Variants in SPIDR observed in about 807,000 individuals in gnomAD.
SPIDR encodes the protein scaffold protein involved in DNA repair.
A neutral mutation model predicts 104.6 loss-of-function variants in SPIDR; 93 were observed. That is an observed-to-expected ratio of 0.89 (90% confidence interval 0.75 to 1.06). SPIDR has a LOEUF of 1.06. Ranked by LOEUF, SPIDR falls within the 50% of genes least tolerant of loss-of-function variation. SPIDR has a pLI of 0.00. For synonymous variants in SPIDR, 431 were observed against 416.9 expected (o/e 1.03, Z -0.41); for missense variants, 1,154 against 1,111.2 (o/e 1.04, Z -0.55).
intron 8 of SPIDR, among the ~76,000 whole-genome samples, chr8:47,471,444 C>CTTTA (rs2075694715): frequency 6.6e-6 from 1 of 151,764 alleles, no homozygotes; most frequent in East Asian, 1.9e-4. Context: ...CATCATTAGT[C>CTTTA]TTTAGGGTAA....
At position 47,686,478 on chromosome 8, in the gene SPIDR, G is replaced by A. The variant is rs569822561; in HGVS notation, c.1685+12537G>A. Among the ~76,000 whole-genome samples the A allele has an allele frequency of 5.3e-5, 8 of 152,298 alleles. No individual in the cohort carries two copies. The South Asian group carries it at 1.7e-3, about 32-fold the overall frequency. ...TAATACGGGATGCTGAAAGTGGAAA[G>A]AAAAGAAAGCTTGAGTGTCACTAGA... On this transcript the variant is annotated intron_variant, in intron 11 of 19. Transcript: ENST00000297423.
chr8:47,395,675 CT>C (rs1403827962), intron 5 of SPIDR, among the ~76,000 whole-genome samples: 2 of 151,428 alleles, frequency 1.3e-5, no homozygotes, highest in Admixed American at 6.6e-5. Context: ...AATTTTTTTT[CT>C]TTTTTATTGG....
chr8:47,496,950 T>C (rs1347088953), intron 8 of SPIDR, among the ~76,000 whole-genome samples: 17 of 152,100 alleles, frequency 1.1e-4, no homozygotes. Context: ...TCTAGAAGTT[T>C]GTCCATTTTA....
At chr8:47,555,662 T>G (rs1406307150) in intron 8 of SPIDR, among the ~76,000 whole-genome samples, 2 of 152,190 alleles carry the variant, frequency 1.3e-5, no homozygotes, top group Non-Finnish European at 2.9e-5. Flanking sequence ...TGTGTATTCT[T>G]TGCACTGTAT....
At chr8:47,414,360 AT>A (rs538147774) in intron 7 of SPIDR, among the ~76,000 whole-genome samples, 1 of 152,004 alleles carries the variant, frequency 6.6e-6, no homozygotes, top group Non-Finnish European at 1.5e-5. Flanking sequence ...GAAAAAGGTG[AT>A]TTTTTTTGTT....
At chr8:47,722,057 C>G (rs912392596) in intron 16 of SPIDR, among the ~76,000 whole-genome samples, 2 of 152,158 alleles carry the variant, frequency 1.3e-5, no homozygotes, top group Non-Finnish European at 2.9e-5. Context: ...TGATATCTTT[C>G]AGAAGAGTTT....
intron 8 of SPIDR, among the ~76,000 whole-genome samples, chr8:47,506,911 A>G (rs2081572252): frequency 6.6e-6 from 1 of 152,188 alleles, no homozygotes; most frequent in Non-Finnish European, 1.5e-5. Flanking sequence ...GTGTTGGGAA[A>G]TAGCTGAGCT....
At chr8:47,503,849 G>A (rs1304656849) in intron 8 of SPIDR, among the ~76,000 whole-genome samples, 3 of 152,116 alleles carry the variant, frequency 2.0e-5, no homozygotes, top group East Asian at 3.8e-4. Flanking sequence ...AAATCTCTCA[G>A]CATTTGTTTG....
At chr8:47,484,355 T>A (rs190999903) in intron 8 of SPIDR, among the ~76,000 whole-genome samples, 8 of 152,380 alleles carry the variant, frequency 5.3e-5, no homozygotes, top group Admixed American at 5.2e-4. Flanking sequence ...GCTGTGAATT[T>A]GTTGGTAAAG....
At chr8:47,713,893 C>T (rs190298393) in intron 16 of SPIDR, among the ~76,000 whole-genome samples, 8 of 152,230 alleles carry the variant, frequency 5.3e-5, no homozygotes, top group Admixed American at 3.3e-4. Flanking sequence ...CCTGGGCCCA[C>T]GTCTTAGTGG....
chr8:47,319,343 A>G (rs2046051858), intron 5 of SPIDR, among the ~76,000 whole-genome samples: 1 of 152,212 alleles, frequency 6.6e-6, no homozygotes, highest in African/African-American at 2.4e-5. Flanking sequence ...CAAAAGAGAC[A>G]AAGCAGGCCA....
intron 17 of SPIDR, among the ~76,000 whole-genome samples, chr8:47,727,545 T>C (rs1267763562): frequency 3.3e-5 from 5 of 152,092 alleles, no homozygotes; most frequent in Non-Finnish European, 5.9e-5. Context: ...CCTCCTTTAT[T>C]ATCAGCCAGG....
intron 7 of SPIDR, among the ~76,000 whole-genome samples, chr8:47,409,021 A>G (rs1252801825): frequency 6.6e-6 from 1 of 152,128 alleles, no homozygotes; most frequent in Non-Finnish European, 1.5e-5. Context: ...CCCCATCTCT[A>G]CTAAAAATAT....
intron 14 of SPIDR, among the ~76,000 whole-genome samples, chr8:47,704,985 G>T (rs1455673850): frequency 3.9e-5 from 6 of 152,208 alleles, no homozygotes; most frequent in Non-Finnish European, 7.3e-5. Context: ...TGCTCTTCTG[G>T]GTCATGGGCC....
intron 11 of SPIDR, among the ~76,000 whole-genome samples, chr8:47,687,962 T>C (rs1452920942): frequency 2.7e-5 from 4 of 149,038 alleles, no homozygotes; most frequent in Non-Finnish European, 4.4e-5. Flanking sequence ...CTTGGGAGGC[T>C]GAGATGGGAG....
At chr8:47,303,619 T>G (rs2042621265) in intron 5 of SPIDR, among the ~76,000 whole-genome samples, 1 of 152,158 alleles carries the variant, frequency 6.6e-6, no homozygotes, top group African/African-American at 2.4e-5. Context: ...GGTGATCATA[T>G]GGATTTTGTC....
intron 10 of SPIDR, among the ~76,000 whole-genome samples, chr8:47,622,305 T>C (rs913400195): frequency 4.6e-5 from 7 of 152,144 alleles, no homozygotes; most frequent in African/African-American, 1.7e-4. Context: ...ATAATAGGCC[T>C]GGGGAGAGGG....
intron 8 of SPIDR, among the ~76,000 whole-genome samples, chr8:47,554,627 C>T (rs892864503): frequency 1.3e-5 from 2 of 152,098 alleles, no homozygotes; most frequent in Non-Finnish European, 2.9e-5. Flanking sequence ...TGGTAGTGTC[C>T]CGATTTTCTA....
At chr8:47,612,277 TG>T (rs2154431442) in intron 10 of SPIDR, among the ~76,000 whole-genome samples, 1 of 152,314 alleles carries the variant, frequency 6.6e-6, no homozygotes, top group African/African-American at 2.4e-5. Context: ...CTGACTACTC[TG>T]GAATCCCACA....
Sources: gnomAD v4.1 joint callset for allele counts (sites outside exome capture counted in the v4.1 genomes callset) on GRCh38, gnomAD v4.1.1 for gene constraint, MANE v1.5 for transcripts, NCBI Gene and HGNC (gene_info 2026-07-23, HGNC 2026-07-21) for gene names.